CADPS2: variants seen among roughly 807,000 people sequenced by gnomAD.
CADPS2 encodes the protein calcium dependent secretion activator 2.
Under a neutral mutation model 172.5 loss-of-function variants are expected in CADPS2, and 93 were observed. That is an observed-to-expected ratio of 0.54 (90% CI 0.46 to 0.64). CADPS2 has a LOEUF of 0.64. Ranked by LOEUF, CADPS2 falls within the 30% of genes least tolerant of loss-of-function variation. CADPS2 has a pLI of 0.00. For missense variants in CADPS2, 1,420 were observed against 1,565.9 expected, an observed-to-expected ratio of 0.91 and a Z score of 1.57; for synonymous variants, 546 against 555.2, an observed-to-expected ratio of 0.98 and a Z score of 0.23.
At chr7:122,441,065 C>A (rs1026463436) in intron 16 of CADPS2, among the ~76,000 whole-genome samples, 2 of 151,856 alleles carry the variant, frequency 1.3e-5, no homozygotes, top group African/African-American at 4.8e-5. Flanking sequence ...GAAAGAAATT[C>A]TGAGATGAAT....
At chr7:122,663,009 G>C (rs929392307) in intron 3 of CADPS2, among the ~76,000 whole-genome samples, 5 of 152,018 alleles carry the variant, frequency 3.3e-5, no homozygotes, top group African/African-American at 1.2e-4. Flanking sequence ...GGACACATGG[G>C]GATGATTACT....
chr7:122,557,768 G>C (rs1260668999), intron 7 of CADPS2, among the ~76,000 whole-genome samples: 1 of 152,180 alleles, frequency 6.6e-6, no homozygotes, highest in Non-Finnish European at 1.5e-5. Context: ...CTGGCTATTT[G>C]CCACGATTCA....
chr7:122,733,160 A>C (rs1299959751), intron 2 of CADPS2, among the ~76,000 whole-genome samples: 1 of 151,836 alleles, frequency 6.6e-6, no homozygotes, highest in African/African-American at 2.4e-5. Flanking sequence ...CATGCTTCAT[A>C]TATATCTAGC....
chr7:122,601,956 AT>A (rs1281812648), intron 6 of CADPS2, among the ~76,000 whole-genome samples: 1 of 152,036 alleles, frequency 6.6e-6, no homozygotes, highest in Non-Finnish European at 1.5e-5. Context: ...AACTGTATTA[AT>A]TTAAAAACAT....
intron 1 of CADPS2, among the ~76,000 whole-genome samples, chr7:122,820,569 T>C (rs1234937424): frequency 4.1e-5 from 5 of 122,178 alleles, no homozygotes; most frequent in Non-Finnish European, 6.9e-5. Context: ...TTTTTTTTTT[T>C]TTTTTTTTGA....
chr7:122,360,237 C>T (rs565189144), intron 27 of CADPS2, among the ~76,000 whole-genome samples: 17 of 152,136 alleles, frequency 1.1e-4, no homozygotes, highest in Non-Finnish European at 1.8e-4. Flanking sequence ...ACCATGTGAA[C>T]GTTCTCATTG....
intron 8 of CADPS2, among the ~76,000 whole-genome samples, chr7:122,533,064 C>G (rs1344905048): frequency 6.6e-6 from 1 of 152,048 alleles, no homozygotes. Flanking sequence ...CACTCTTGCC[C>G]TCTAGAGATG....
At chr7:122,541,530 C>A (rs1295229813) in intron 8 of CADPS2, among the ~76,000 whole-genome samples, 1 of 141,776 alleles carries the variant, frequency 7.1e-6, no homozygotes, top group East Asian at 2.0e-4. Context: ...TTTTTTTATG[C>A]TTCTCTTATA....
chr7:122,471,318 C>T, intron 14 of CADPS2, 57 bp downstream of exon 14: 10 of 1,172,658 alleles, frequency 8.5e-6, no homozygotes, highest in Middle Eastern at 2.5e-4. Context: ...GCACATTTTT[C>T]TCTCTTTTCC....
At chr7:122,408,267 A>G (rs1304811772) in intron 19 of CADPS2, among the ~76,000 whole-genome samples, 1 of 152,092 alleles carries the variant, frequency 6.6e-6, no homozygotes, top group Non-Finnish European at 1.5e-5. Context: ...ATATTTTTAC[A>G]TAAATATCTT....
At chr7:122,372,989 G>A (rs1038689263) in intron 25 of CADPS2, among the ~76,000 whole-genome samples, 4 of 152,126 alleles carry the variant, frequency 2.6e-5, no homozygotes, top group Non-Finnish European at 5.9e-5. Context: ...TTCATTAGAG[G>A]CAGAGTCACA....
chr7:122,744,988 T>C (rs1010400443), intron 1 of CADPS2, among the ~76,000 whole-genome samples: 73 of 151,894 alleles, frequency 4.8e-4, no homozygotes, highest in African/African-American at 1.7e-3. Context: ...TTTTACTTTA[T>C]TGAACTATAA....
chr7:122,712,535 T>G (rs1314038983), intron 2 of CADPS2, among the ~76,000 whole-genome samples: 5 of 152,298 alleles, frequency 3.3e-5, no homozygotes, highest in Admixed American at 1.3e-4. Context: ...GACTCTTTTG[T>G]GTACCCAGGG....
rs1262810363 is a variant in CADPS2, at chr7:122,848,309, T to C, written c.339+37690A>G. Among the ~76,000 whole-genome samples the C allele has an allele frequency of 2.0e-5, 3 of 152,020 alleles. No individual in the cohort carries two copies. The East Asian group carries it at 5.8e-4, about 29-fold the overall frequency. On this transcript the variant is annotated intron_variant, in intron 1 of 29. Transcript: ENST00000449022. ...CCCACAGAGGTCACTGCTGGAACAA[T>C]GGGGAAAGGAGAAACTGAATCTCTC...
chr7:122,451,239 C>T, intron 15 of CADPS2, 135 bp downstream of exon 15: 2 of 434,742 alleles, frequency 4.6e-6, no homozygotes, highest in Non-Finnish European at 8.1e-6. Flanking sequence ...AGAATGTGAA[C>T]CTTACCCTGC....
chr7:122,868,060 G>C (rs1265150096), intron 1 of CADPS2, among the ~76,000 whole-genome samples: 2 of 151,990 alleles, frequency 1.3e-5, no homozygotes, highest in African/African-American at 4.8e-5. Context: ...AGCACTTCTT[G>C]ATCTTTCTTC....
intron 4 of CADPS2, among the ~76,000 whole-genome samples, chr7:122,624,282 A>G (rs992916386): frequency 1.3e-5 from 2 of 152,202 alleles, no homozygotes; most frequent in African/African-American, 4.8e-5. Context: ...CACTCTTACA[A>G]GTCATGTGTT....
At chr7:122,744,364 G>A (rs1019742335) in intron 1 of CADPS2, among the ~76,000 whole-genome samples, 3 of 152,070 alleles carry the variant, frequency 2.0e-5, no homozygotes, top group African/African-American at 4.8e-5. Flanking sequence ...CACTCTTATT[G>A]GGATTTATTG....
chr7:122,722,282 T>C (rs904418409), intron 2 of CADPS2, among the ~76,000 whole-genome samples: 11 of 152,006 alleles, frequency 7.2e-5, no homozygotes, highest in African/African-American at 2.2e-4. Context: ...TGATTGTATA[T>C]CTAGAAAACC....
Sources: allele counts gnomAD v4.1 joint callset (sites outside exome capture counted in the v4.1 genomes callset), GRCh38; gene constraint gnomAD v4.1.1; transcripts MANE v1.5; gene names NCBI Gene and HGNC (gene_info 2026-07-23, HGNC 2026-07-21).